Variants in RGS6 observed in about 807,000 individuals in gnomAD.
RGS6 encodes the protein regulator of G protein signaling 6.
Under a neutral mutation model 78.5 loss-of-function variants are expected in RGS6, and 30 were observed. That is an observed-to-expected ratio of 0.38 (90% confidence interval 0.29 to 0.52). The LOEUF (loss-of-function observed/expected upper bound fraction) is 0.52, where lower values mean the gene tolerates loss of function less well. RGS6 is among the 20% of genes least tolerant of loss of function. The probability of loss-of-function intolerance (pLI) is 0.85; values close to 1 mark genes in which losing one functional copy is unlikely to be tolerated. For synonymous variants in RGS6, 206 were observed against 206.0 expected (o/e 1.00, Z 0.00); for missense variants, 495 against 609.7 (o/e 0.81, Z 1.98).
At chr14:71,886,207 C>T in the RGS6 span, among the ~76,000 whole-genome samples, 1 of 152,124 alleles carries the variant, frequency 6.6e-6, no homozygotes, top group Admixed American at 6.5e-5. Flanking sequence ...CTAAATATTG[C>T]CTTTTTGGAA....
chr14:72,438,159 C>T (rs1223280857), intron 3 of RGS6, among the ~76,000 whole-genome samples: 1 of 152,116 alleles, frequency 6.6e-6, no homozygotes, highest in Non-Finnish European at 1.5e-5. Context: ...GGGGAATGGA[C>T]TGCCATTGTC....
chr14:72,477,778 C>CA (rs2096274368), intron 11 of RGS6, among the ~76,000 whole-genome samples: 1 of 136,468 alleles, frequency 7.3e-6, no homozygotes, highest in African/African-American at 2.8e-5. Context: ...GCCTAGGCAA[C>CA]AGAATGAGAC....
chr14:72,429,177 G>A (rs943979386), intron 3 of RGS6, among the ~76,000 whole-genome samples: 1 of 152,204 alleles, frequency 6.6e-6, no homozygotes, highest in Non-Finnish European at 1.5e-5. Context: ...ACTCAAGCCT[G>A]GGTGGCAGAG....
At chr14:72,399,260 G>A (rs1448130062) in intron 3 of RGS6, among the ~76,000 whole-genome samples, 1 of 152,084 alleles carries the variant, frequency 6.6e-6, no homozygotes, top group East Asian at 1.9e-4. Flanking sequence ...TCTTCTTGTT[G>A]TATTGATCCC....
intron 2 of RGS6, among the ~76,000 whole-genome samples, chr14:72,113,761 T>G (rs553413349): frequency 3.9e-4 from 60 of 152,268 alleles, no homozygotes; most frequent in African/African-American, 1.3e-3. Flanking sequence ...TGCACATCTT[T>G]CAGGCTTAGA....
intron 2 of RGS6, among the ~76,000 whole-genome samples, chr14:72,128,653 C>T (rs2096252421): frequency 6.6e-6 from 1 of 152,064 alleles, no homozygotes; most frequent in Non-Finnish European, 1.5e-5. Context: ...TAAACACTCA[C>T]TTATGAATAG....
At chr14:71,989,509 G>C (rs1408047472) in intron 2 of RGS6, among the ~76,000 whole-genome samples, 3 of 152,174 alleles carry the variant, frequency 2.0e-5, no homozygotes, top group African/African-American at 7.2e-5. Flanking sequence ...TTTGTAAAAG[G>C]CCTGTGAAAA....
intron 2 of RGS6, among the ~76,000 whole-genome samples, chr14:72,114,227 G>A (rs941081875): frequency 1.3e-5 from 2 of 152,100 alleles, no homozygotes; most frequent in African/African-American, 4.8e-5. Context: ...TGTCAGCTTC[G>A]ATCCTTGTTT....
At chr14:71,974,396 A>G (rs540380592) in intron 2 of RGS6, among the ~76,000 whole-genome samples, 1 of 152,000 alleles carries the variant, frequency 6.6e-6, no homozygotes, top group Non-Finnish European at 1.5e-5. Context: ...GCAAAGACAT[A>G]TATATAGATA....
chr14:71,941,530 A>G (rs1357084132), intron 1 of RGS6, among the ~76,000 whole-genome samples: 3 of 152,210 alleles, frequency 2.0e-5, no homozygotes, highest in Non-Finnish European at 4.4e-5. Context: ...CACAATCACA[A>G]GGTCCCACAA....
chr14:72,516,400 C>T (rs1259857422), intron 14 of RGS6, among the ~76,000 whole-genome samples: 1 of 152,176 alleles, frequency 6.6e-6, no homozygotes, highest in African/African-American at 2.4e-5. Context: ...GGTAGGGGAA[C>T]AGCTCCTTTC....
intron 3 of RGS6, among the ~76,000 whole-genome samples, chr14:72,383,732 T>C (rs1230587674): frequency 1.3e-5 from 2 of 152,174 alleles, no homozygotes; most frequent in African/African-American, 4.8e-5. Flanking sequence ...GAATGGGCAT[T>C]TATCCTCTAC....
the RGS6 span, among the ~76,000 whole-genome samples, chr14:71,924,196 C>T: frequency 6.6e-6 from 1 of 151,928 alleles, no homozygotes; most frequent in South Asian, 2.1e-4. Context: ...AGGCTTGTGC[C>T]ACTATGCCCA....
At chr14:72,527,969 T>C (rs2097138754) in intron 15 of RGS6, among the ~76,000 whole-genome samples, 1 of 152,198 alleles carries the variant, frequency 6.6e-6, no homozygotes, top group South Asian at 2.1e-4. Flanking sequence ...TGTGCAATGC[T>C]CCAGCTGGGT....
chr14:72,001,724 A>C (rs1210641392), intron 2 of RGS6, among the ~76,000 whole-genome samples: 3 of 152,046 alleles, frequency 2.0e-5, no homozygotes, highest in Non-Finnish European at 4.4e-5. Context: ...TTGAATGAGT[A>C]CTTTTCCCCT....
Position 71,964,732 on chromosome 14 carries a change from T to G in RGS6, c.-20-40T>G, listed in dbSNP as rs992178421. On this transcript the variant is annotated intron_variant, in intron 1 of 17. Coordinates refer to ENST00000553525, the MANE Select transcript of RGS6 (RefSeq NM_001204424.2). ...GCATTTCAAAGCCCTCTTTATATAA[T>G]TCCTTCGTGACTTAATGGTTTATTC... is the stretch of plus-strand genomic sequence containing the variant. The G allele has an allele frequency of 1.8e-4, 260 of 1,407,464 alleles. 1 individual carries two copies. Among genetic ancestry groups the G allele is most frequent in the Non-Finnish European group, 2.3e-4 (239 of 1,019,416 alleles). 87.2% of individuals were successfully genotyped at this position (1,407,464 alleles called of 1,614,324 possible). A position where few individuals can be genotyped will look rare whatever the true frequency, so the allele number is the denominator to read the frequency against.
chr14:72,150,216 A>G (rs1247561408), intron 2 of RGS6, among the ~76,000 whole-genome samples: 1 of 152,172 alleles, frequency 6.6e-6, no homozygotes, highest in Non-Finnish European at 1.5e-5. Context: ...AAAGAAGCCC[A>G]TGGGGAGATG....
intron 11 of RGS6, among the ~76,000 whole-genome samples, chr14:72,477,414 C>T (rs975158848): frequency 5.9e-5 from 9 of 151,990 alleles, no homozygotes; most frequent in African/African-American, 2.2e-4. Context: ...GAGGGCAAAA[C>T]CCAAAGGAGT....
intron 2 of RGS6, among the ~76,000 whole-genome samples, chr14:72,008,641 G>C (rs1355788625): frequency 6.6e-6 from 1 of 152,122 alleles, no homozygotes; most frequent in Non-Finnish European, 1.5e-5. Flanking sequence ...GTGCTTTCCT[G>C]GATCCCTCAC....
Sources: gnomAD v4.1 joint callset for allele counts (sites outside exome capture counted in the v4.1 genomes callset) on GRCh38, gnomAD v4.1.1 for gene constraint, MANE v1.5 for transcripts, NCBI Gene and HGNC (gene_info 2026-07-23, HGNC 2026-07-21) for gene names.